NPFFR2: variants seen among roughly 807,000 people sequenced by gnomAD.
NPFFR2 encodes the protein G-protein coupled receptor 74.
Under a neutral mutation model 13.1 loss-of-function variants are expected in NPFFR2, and 15 were observed. The ratio of observed to expected loss-of-function variants is 1.15; its 90% CI spans 0.77 to 1.76. The LOEUF (loss-of-function observed/expected upper bound fraction) is 1.76. Among genes scored for constraint, NPFFR2 ranks in the 40% most tolerant of loss-of-function variants. NPFFR2 has a pLI of 0.00. For synonymous variants in NPFFR2, 190 were observed against 175.7 expected (o/e 1.08, Z -0.65); for missense variants, 572 against 503.5 (o/e 1.14, Z -1.30).
rs1345770583 is a variant in NPFFR2, at chr4:72,128,696, G to C, written c.105G>C (p.Val35=). Residue 35 remains valine, a synonymous_variant, in exon 2 of 4, where the codon GTG becomes GTC. Transcript: ENST00000308744. ...HLYSDINITY[V]NYYLHQPQVA... ...ACTCAGATATTAATATTACCTATGTGAACTACTATCTTCACCAGCCTCAAG... is the reference window on the plus strand; with the variant it reads ...ACTCAGATATTAATATTACCTATGTCAACTACTATCTTCACCAGCCTCAAG... 1 of 1,613,680 alleles carries C rather than the reference G, an allele frequency of 6.2e-7. No individual in the cohort carries two copies. Among genetic ancestry groups the C allele is most frequent in the Non-Finnish European group, 8.5e-7 (1 of 1,179,732 alleles).
chr4:72,085,723 A>T (rs1053138280), intron 1 of NPFFR2, among the ~76,000 whole-genome samples: 1 of 152,238 alleles, frequency 6.6e-6, no homozygotes, highest in Non-Finnish European at 1.5e-5. Flanking sequence ...TGTAATTTTT[A>T]AAAAAGCCTC....
intron 1 of NPFFR2, among the ~76,000 whole-genome samples, chr4:72,037,335 T>C (rs1053589654): frequency 2.0e-5 from 3 of 150,696 alleles, no homozygotes; most frequent in African/African-American, 4.9e-5. Context: ...CCCCTGGAGG[T>C]TGAGGTTGCA....
At chr4:72,038,601 A>T (rs1719106853) in intron 1 of NPFFR2, among the ~76,000 whole-genome samples, 2 of 152,314 alleles carry the variant, frequency 1.3e-5, no homozygotes, top group South Asian at 4.1e-4. Flanking sequence ...ATATGGAAAA[A>T]AATTTGAAAA....
chr4:72,133,955 A>G (rs559652131), intron 2 of NPFFR2, among the ~76,000 whole-genome samples: 1 of 152,244 alleles, frequency 6.6e-6, no homozygotes, highest in East Asian at 1.9e-4. Context: ...ATTAGTTTAA[A>G]GTTCTTGCAT....
intron 3 of NPFFR2, among the ~76,000 whole-genome samples, chr4:72,140,871 A>G (rs1046275505): frequency 1.3e-5 from 2 of 152,120 alleles, no homozygotes; most frequent in African/African-American, 4.8e-5. Context: ...GGTAGAATTC[A>G]GCTGTGAATT....
At chr4:72,053,716 G>A (rs571709470) in intron 1 of NPFFR2, among the ~76,000 whole-genome samples, 1 of 151,824 alleles carries the variant, frequency 6.6e-6, no homozygotes, top group Middle Eastern at 3.4e-3. Flanking sequence ...ACACAATCAT[G>A]CATTATGCCA....
At chr4:72,138,455 C>A (rs553884934) in intron 3 of NPFFR2, among the ~76,000 whole-genome samples, 1 of 150,480 alleles carries the variant, frequency 6.6e-6, no homozygotes, top group African/African-American at 2.4e-5. Flanking sequence ...TGTTCCCTGC[C>A]GTGTGTCCAA....
At chr4:72,043,463 C>T (rs1386176395) in intron 1 of NPFFR2, among the ~76,000 whole-genome samples, 1 of 152,222 alleles carries the variant, frequency 6.6e-6, no homozygotes, top group Non-Finnish European at 1.5e-5. Context: ...TGAAGGCAGT[C>T]AGTAAGGGGG....
chr4:72,096,700 C>T (rs1721083769), intron 1 of NPFFR2, among the ~76,000 whole-genome samples: 1 of 152,000 alleles, frequency 6.6e-6, no homozygotes, highest in African/African-American at 2.4e-5. Flanking sequence ...TAACATCTTA[C>T]TTATATACAC....
At chr4:72,051,819 A>T (rs1229691162) in intron 1 of NPFFR2, among the ~76,000 whole-genome samples, 1 of 152,084 alleles carries the variant, frequency 6.6e-6, no homozygotes, top group Non-Finnish European at 1.5e-5. Context: ...GGATATCACC[A>T]CCGATCCCAC....
chr4:72,107,301 G>A (rs1046429896), intron 1 of NPFFR2, among the ~76,000 whole-genome samples: 25 of 150,034 alleles, frequency 1.7e-4, no homozygotes, highest in African/African-American at 6.1e-4. Flanking sequence ...TAAATATAAG[G>A]CACACTAGAT....
At chr4:72,094,864 T>C (rs1721016953) in intron 1 of NPFFR2, among the ~76,000 whole-genome samples, 1 of 152,214 alleles carries the variant, frequency 6.6e-6, no homozygotes, top group East Asian at 1.9e-4. Flanking sequence ...CTGCCGTGGT[T>C]CTTGGAGAAA....
chr4:72,084,357 G>T (rs1277890182), intron 1 of NPFFR2, among the ~76,000 whole-genome samples: 1 of 152,102 alleles, frequency 6.6e-6, no homozygotes, highest in African/African-American at 2.4e-5. Flanking sequence ...TATGGCTGAG[G>T]ATAAAGGTAG....
intron 1 of NPFFR2, among the ~76,000 whole-genome samples, chr4:72,078,124 G>A (rs1454053596): frequency 1.3e-5 from 2 of 152,070 alleles, no homozygotes; most frequent in African/African-American, 4.8e-5. Flanking sequence ...TAGATGCCAT[G>A]GGTAATCAGC....
intron 1 of NPFFR2, among the ~76,000 whole-genome samples, chr4:72,070,551 G>GTT: frequency 3.7e-4 from 1 of 2,734 alleles, no homozygotes. Flanking sequence ...TCGTGTGTGT[G>GTT]TGTGTGTGTG....
At chr4:72,087,866 A>G (rs1014060603) in intron 1 of NPFFR2, among the ~76,000 whole-genome samples, 1 of 152,044 alleles carries the variant, frequency 6.6e-6, no homozygotes, top group Non-Finnish European at 1.5e-5. Flanking sequence ...GAACTTTGTG[A>G]AAAATGTTAT....
chr4:72,117,002 G>A (rs556868993), intron 1 of NPFFR2, among the ~76,000 whole-genome samples: 8 of 152,106 alleles, frequency 5.3e-5, no homozygotes, highest in South Asian at 2.1e-4. Context: ...GGGTCAAGAC[G>A]TCTACCTTAC....
chr4:72,145,453 C>A (rs924076180), intron 3 of NPFFR2, among the ~76,000 whole-genome samples: 1 of 151,672 alleles, frequency 6.6e-6, no homozygotes, highest in Non-Finnish European at 1.5e-5. Context: ...AATATATGTA[C>A]TTATATATTT....
intron 1 of NPFFR2, among the ~76,000 whole-genome samples, chr4:72,125,241 C>T (rs1722005692): frequency 6.6e-6 from 1 of 152,160 alleles, no homozygotes; most frequent in African/African-American, 2.4e-5. Flanking sequence ...CATCTCACGC[C>T]AGTTAGAATT....
Sources: gnomAD v4.1 joint callset for allele counts (sites outside exome capture counted in the v4.1 genomes callset) on GRCh38, gnomAD v4.1.1 for gene constraint, MANE v1.5 for transcripts, NCBI Gene and HGNC (gene_info 2026-07-23, HGNC 2026-07-21) for gene names.